PTPN3: variants seen among roughly 807,000 people sequenced by gnomAD.
The protein encoded by PTPN3 is protein tyrosine phosphatase non-receptor type 3, also known as tyrosine-protein phosphatase non-receptor type 3.
A neutral mutation model predicts 132.7 loss-of-function variants in PTPN3; 96 were observed. That is an observed-to-expected ratio of 0.72 (90% CI 0.61 to 0.86). PTPN3 has a LOEUF of 0.86. Among genes scored for constraint, PTPN3 ranks in the 40% least tolerant of loss-of-function variants. The pLI is 0.00. For synonymous variants in PTPN3, 398 were observed against 429.0 expected, an observed-to-expected ratio of 0.93 and a Z score of 0.89; for missense variants, 1,125 against 1,159.6, an observed-to-expected ratio of 0.97 and a Z score of 0.43.
chr9:109,520,722 A>G, the PTPN3 span, among the ~76,000 whole-genome samples: 1 of 152,144 alleles, frequency 6.6e-6, no homozygotes, highest in African/African-American at 2.4e-5. Context: ...TGTTAAATTC[A>G]CGTACGTTAA....
the PTPN3 span, among the ~76,000 whole-genome samples, chr9:109,536,927 C>G: frequency 6.6e-6 from 1 of 152,132 alleles, no homozygotes; most frequent in Admixed American, 6.5e-5. Context: ...ATTCCCTGCC[C>G]CTCCCTTCCC....
chr9:109,433,127 G>A lies in PTPN3; in HGVS notation c.710C>T (p.Ala237Val). 1 of 1,614,130 alleles carries A rather than the reference G, an allele frequency of 6.2e-7. No individual in the cohort carries two copies. Among genetic ancestry groups the A allele is most frequent in the South Asian group, 1.1e-5 (1 of 91,076 alleles). The change falls in exon 10 of 26, where the codon GCT becomes GTT. Residue 237 changes from alanine to valine, a missense_variant. Physicochemically the swap from Ala to Val is moderately conservative, Grantham distance 64. Coordinates refer to ENST00000374541, the MANE Select transcript of PTPN3 (RefSeq NM_002829.4). Reference protein sequence around the residue: ...LHNLDLMIGIASAGVAVYRKY... With the variant: ...LHNLDLMIGIVSAGVAVYRKY... ...TCGGTACACAGCAACACCCGCGGAA[G>A]CAATTCCAATCATTAGGTCTAAATT...
At chr9:109,508,305 C>T in the PTPN3 span, among the ~76,000 whole-genome samples, 22 of 152,138 alleles carry the variant, frequency 1.4e-4, no homozygotes, top group Admixed American at 1.2e-3. Context: ...GGACTACAGG[C>T]GCCTGCCACT....
chr9:109,482,975 A>G (rs1847030230), intron 1 of PTPN3, among the ~76,000 whole-genome samples: 1 of 152,210 alleles, frequency 6.6e-6, no homozygotes, highest in South Asian at 2.1e-4. Context: ...GCTTCTACTC[A>G]GCCTCAGGAA....
At chr9:109,389,174 TG>T in intron 22 of PTPN3, 58 bp downstream of exon 22, 1 of 1,590,398 alleles carries the variant, frequency 6.3e-7, no homozygotes, top group Non-Finnish European at 8.6e-7. Context: ...CTGAGATTCA[TG>T]TTACACAGAG....
At chr9:109,532,127 G>A in the PTPN3 span, among the ~76,000 whole-genome samples, 1 of 152,112 alleles carries the variant, frequency 6.6e-6, no homozygotes, top group East Asian at 1.9e-4. Context: ...CAAATGTTCC[G>A]ATCTTAGCAC....
At chr9:109,492,182 G>A (rs376279508) in intron 1 of PTPN3, among the ~76,000 whole-genome samples, 40 of 152,252 alleles carry the variant, frequency 2.6e-4, no homozygotes, top group African/African-American at 9.1e-4. Flanking sequence ...GGTGGCTGGC[G>A]GTCAAAAAAC....
chr9:109,427,136 C>T lies in PTPN3; in HGVS notation c.829-14G>A, dbSNP rs933345986. 1.2e-6 allele frequency: 2 copies of T among 1,612,896 alleles called. No homozygotes were observed. The highest frequency in any genetic ancestry group is 2.7e-5 in the African/African-American group (2 of 74,902). ...CCTGGATTCAGCCTGGGAGGAAAAA[C>T]AGTCAAGATTTCACCCACACAGACA... On this transcript the variant is annotated splice_polypyrimidine_tract_variant and intron_variant, in intron 11 of 25. Transcript: ENST00000374541.
chr9:109,384,897 G>A (rs952086949), intron 22 of PTPN3, among the ~76,000 whole-genome samples: 2 of 152,166 alleles, frequency 1.3e-5, no homozygotes, highest in Non-Finnish European at 2.9e-5. Flanking sequence ...GGGTAATTTT[G>A]GTTAGTAGCC....
At chr9:109,393,513 A>G (rs1310602968) in intron 19 of PTPN3, among the ~76,000 whole-genome samples, 1 of 150,708 alleles carries the variant, frequency 6.6e-6, no homozygotes, top group African/African-American at 2.4e-5. Flanking sequence ...CAGCCTCCTG[A>G]GTAGCTGGGA....
chr9:109,423,464 G>C (rs1399812349), intron 12 of PTPN3, among the ~76,000 whole-genome samples: 2 of 152,168 alleles, frequency 1.3e-5, no homozygotes, highest in Non-Finnish European at 2.9e-5. Flanking sequence ...AAATTAGCCA[G>C]GTATAGTGGC....
upstream of PTPN3, among the ~76,000 whole-genome samples, chr9:109,499,486 A>G (rs889011129): frequency 4.6e-5 from 7 of 152,060 alleles, no homozygotes; most frequent in Admixed American, 6.5e-5. Flanking sequence ...CGATTTGTTT[A>G]ATTCTCATGT....
At chr9:109,403,889 G>C (rs1000942153) in intron 19 of PTPN3, among the ~76,000 whole-genome samples, 2 of 152,160 alleles carry the variant, frequency 1.3e-5, no homozygotes, top group African/African-American at 4.8e-5. Context: ...GGGAAGATGG[G>C]GGTTTGAGTT....
At chr9:109,476,529 A>G (rs1466912074) in intron 1 of PTPN3, among the ~76,000 whole-genome samples, 1 of 152,196 alleles carries the variant, frequency 6.6e-6, no homozygotes, top group Non-Finnish European at 1.5e-5. Flanking sequence ...ATACAGAGAT[A>G]AAGACAACCC....
intron 21 of PTPN3, among the ~76,000 whole-genome samples, chr9:109,390,491 C>A (rs1839977440): frequency 6.6e-6 from 1 of 152,076 alleles, no homozygotes; most frequent in South Asian, 2.1e-4. Flanking sequence ...AGGAGATATA[C>A]CTAATGCTAA....
At chr9:109,390,198 A>G (rs1015796677) in intron 21 of PTPN3, among the ~76,000 whole-genome samples, 49 of 152,330 alleles carry the variant, frequency 3.2e-4, no homozygotes, top group African/African-American at 1.1e-3. Context: ...GTGAGGGTCA[A>G]TGAATCCCAT....
chr9:109,514,955 T>A, the PTPN3 span, among the ~76,000 whole-genome samples: 1 of 152,174 alleles, frequency 6.6e-6, no homozygotes, highest in Non-Finnish European at 1.5e-5. Flanking sequence ...ATAACGTTGT[T>A]GTTTTAAGAC....
chr9:109,454,533 T>TA lies in PTPN3; in HGVS notation c.330dup (p.Ile111TyrfsTer3). On this transcript the variant is annotated frameshift_variant, in exon 5 of 26. Coordinates refer to ENST00000374541, the MANE Select transcript of PTPN3 (RefSeq NM_002829.4). LOFTEE classifies it high-confidence loss of function. ...TGCTGCAGTGTGTTGGGATCAGGTA[T>TA]AAAAAATCTTACTCGAAAATGCAGG... 1.2e-6 allele frequency: 2 copies of TA among 1,613,558 alleles called. No homozygotes were observed. The highest frequency in any genetic ancestry group is 1.7e-6 in the Non-Finnish European group (2 of 1,179,908).
intron 12 of PTPN3, among the ~76,000 whole-genome samples, chr9:109,425,917 G>C (rs1190987300): frequency 6.6e-6 from 1 of 151,466 alleles, no homozygotes; most frequent in Non-Finnish European, 1.5e-5. Context: ...GGGAGGCTGA[G>C]GCAAGAGAAT....
Sources: allele counts gnomAD v4.1 joint callset (sites outside exome capture counted in the v4.1 genomes callset), GRCh38; gene constraint gnomAD v4.1.1; transcripts MANE v1.5; gene names NCBI Gene and HGNC (gene_info 2026-07-23, HGNC 2026-07-21).